The following PKHD1 variants were observed in gnomAD, a reference collection of about 807,000 sequenced individuals.
PKHD1 encodes the protein PKHD1 ciliary IPT domain containing fibrocystin/polyductin.
A neutral mutation model predicts 412.0 loss-of-function variants in PKHD1; 291 were observed. The observed-to-expected ratio is 0.71, with a 90% CI of 0.64 to 0.78. The LOEUF is 0.78. PKHD1 is among the 30% of genes least tolerant of loss of function. The pLI, the probability that PKHD1 is intolerant of heterozygous loss-of-function variation, is 0.00. For synonymous variants in PKHD1, 1,777 were observed against 1,821.5 expected (o/e 0.98, Z 0.62); for missense variants, 4,825 against 4,950.7 (o/e 0.97, Z 0.76).
Position 51,775,878 on chromosome 6 carries a change from A to T in PKHD1, c.8484T>A (p.Ile2828=), listed in dbSNP as rs1790939999. 1 of 1,599,150 alleles carries T rather than the reference A, an allele frequency of 6.3e-7. No homozygotes were observed. The highest frequency in any genetic ancestry group is 1.3e-5 in the African/African-American group (1 of 74,600). Residue 2828 remains isoleucine (I), a synonymous_variant, in exon 54 of 67, where the codon ATT becomes ATA. Coordinates refer to ENST00000371117, the MANE Select transcript of PKHD1 (RefSeq NM_138694.4). ...NPLEKEQKLL[I]LLRASEGVFC... ...AGACTCCCTCTGAGGCTCTAAGGAG[A>T]ATCAGAAGCTTTTGTTCCTTTTCTA...
At chr6:51,772,933 AT>A in intron 54 of PKHD1, 144 bp from the exon 55 acceptor site, 1 of 659,792 alleles carries the variant, frequency 1.5e-6, no homozygotes. Flanking sequence ...CAAAAGCATT[AT>A]TTAAATGCTC....
chr6:51,836,497 G>A (rs775388904), intron 50 of PKHD1, 28 bp from the exon 51 acceptor site: 37 of 1,496,832 alleles, frequency 2.5e-5, no homozygotes, highest in African/African-American at 4.2e-5. Flanking sequence ...CAACTTGCAT[G>A]TGATACAAAG....
At chr6:51,868,507 T>G (rs1348526912) in intron 47 of PKHD1, among the ~76,000 whole-genome samples, 2 of 152,060 alleles carry the variant, frequency 1.3e-5, no homozygotes, top group African/African-American at 4.8e-5. Context: ...CTGCTAAATA[T>G]CCTACAATGC....
intron 37 of PKHD1, among the ~76,000 whole-genome samples, chr6:51,924,073 A>G (rs1785146275): frequency 6.6e-6 from 1 of 152,188 alleles, no homozygotes; most frequent in African/African-American, 2.4e-5. Flanking sequence ...AAGTGCCAGG[A>G]TCTAGGTAAA....
At chr6:51,945,178 A>G (rs2127834804) in intron 36 of PKHD1, among the ~76,000 whole-genome samples, 1 of 152,354 alleles carries the variant, frequency 6.6e-6, no homozygotes, top group Admixed American at 6.5e-5. Context: ...ACATGTCATT[A>G]ACATCCTAAA....
intron 50 of PKHD1, among the ~76,000 whole-genome samples, chr6:51,838,565 G>C (rs1298157781): frequency 1.3e-5 from 2 of 152,200 alleles, no homozygotes; most frequent in Non-Finnish European, 2.9e-5. Flanking sequence ...GTAGTTTCAG[G>C]ATCAGAACAG....
At chr6:52,070,065 C>A (rs1402895747) in intron 10 of PKHD1, among the ~76,000 whole-genome samples, 2 of 151,286 alleles carry the variant, frequency 1.3e-5, no homozygotes, top group Non-Finnish European at 1.5e-5. Context: ...CAAGAAGGCA[C>A]TTCCTAGATG....
At chr6:51,882,503 TC>T (rs1777533236) in intron 46 of PKHD1, among the ~76,000 whole-genome samples, 1 of 152,178 alleles carries the variant, frequency 6.6e-6, no homozygotes, top group African/African-American at 2.4e-5. Context: ...CTTCCTTGGC[TC>T]CCAATAAATC....
chr6:52,064,742 C>G (rs1454790190), intron 13 of PKHD1, among the ~76,000 whole-genome samples: 2 of 151,552 alleles, frequency 1.3e-5, no homozygotes, highest in East Asian at 2.0e-4. Context: ...ATACAGCTGG[C>G]TGGAGCTAGA....
intron 60 of PKHD1, among the ~76,000 whole-genome samples, chr6:51,703,741 T>G (rs143453252): frequency 6.6e-5 from 10 of 152,116 alleles, no homozygotes; most frequent in African/African-American, 2.4e-4. Context: ...CATGCCTGAT[T>G]GATGACATAT....
At chr6:51,937,575 G>C (rs924434037) in intron 36 of PKHD1, among the ~76,000 whole-genome samples, 26 of 152,118 alleles carry the variant, frequency 1.7e-4, no homozygotes, top group African/African-American at 6.3e-4. Context: ...CTTTCCTCAA[G>C]ACTCTTTTCT....
At chr6:51,795,461 T>G (rs1037204995) in intron 52 of PKHD1, among the ~76,000 whole-genome samples, 3 of 152,170 alleles carry the variant, frequency 2.0e-5, no homozygotes, top group Admixed American at 2.0e-4. Flanking sequence ...TATAGGATCA[T>G]TTCATCTGCA....
chr6:51,785,136 A>C (rs938254796), intron 53 of PKHD1, among the ~76,000 whole-genome samples: 4 of 152,200 alleles, frequency 2.6e-5, no homozygotes, highest in African/African-American at 9.7e-5. Flanking sequence ...CTGAGTTGGC[A>C]TTCAATGAAA....
In PKHD1 at chr6:51,816,381, C is replaced by T. The variant is rs149075347; in HGVS notation, c.8302+14480G>A. 3.9e-3 allele frequency among the ~76,000 whole-genome samples: 594 copies of T among 152,254 alleles called. 6 individuals are homozygous for T. The highest frequency in any genetic ancestry group is 0.013 in the African/African-American group (554 of 41,548). On this transcript the variant is annotated intron_variant, in intron 52 of 66. Coordinates refer to ENST00000371117, the MANE Select transcript of PKHD1 (RefSeq NM_138694.4). ...CAATTGCATGTAGATGTCTGTACAC[C>T]TTTCATTAAACCAAATCAACTAAAG...
chr6:51,899,716 G>A (rs1023848332), intron 43 of PKHD1, among the ~76,000 whole-genome samples: 4 of 152,172 alleles, frequency 2.6e-5, no homozygotes, highest in Admixed American at 6.5e-5. Flanking sequence ...AGGAAAAGAC[G>A]AAGTCAAATT....
At chr6:51,763,611 C>A (rs1380254347) in intron 55 of PKHD1, among the ~76,000 whole-genome samples, 5 of 152,116 alleles carry the variant, frequency 3.3e-5, no homozygotes, top group African/African-American at 7.2e-5. Flanking sequence ...AATTCATAAT[C>A]TTTTCTCTAA....
intron 35 of PKHD1, among the ~76,000 whole-genome samples, chr6:51,989,913 A>G (rs1458305651): frequency 6.3e-5 from 6 of 94,800 alleles, no homozygotes; most frequent in Admixed American, 2.2e-4. Context: ...GGAAGGAAGG[A>G]AGGAAGGAAG....
intron 60 of PKHD1, among the ~76,000 whole-genome samples, chr6:51,701,586 A>G (rs1286686528): frequency 6.6e-6 from 1 of 152,100 alleles, no homozygotes; most frequent in Non-Finnish European, 1.5e-5. Context: ...TAGAGAAATA[A>G]ATCAATTAAC....
At chr6:51,849,263 T>C (rs896659476) in intron 49 of PKHD1, among the ~76,000 whole-genome samples, 2 of 152,224 alleles carry the variant, frequency 1.3e-5, no homozygotes, top group Admixed American at 1.3e-4. Context: ...TAGTATTCCA[T>C]GATGTGTATG....
Sources: allele counts gnomAD v4.1 joint callset (sites outside exome capture counted in the v4.1 genomes callset), GRCh38; gene constraint gnomAD v4.1.1; transcripts MANE v1.5; gene names NCBI Gene and HGNC (gene_info 2026-07-23, HGNC 2026-07-21).